Variants in CNTNAP5 observed in about 807,000 individuals in gnomAD.
CNTNAP5 encodes contactin-associated protein-like 5.
In CNTNAP5, 72 loss-of-function variants were observed where a neutral mutation model predicts 150.2. The ratio of observed to expected loss-of-function variants is 0.48; its 90% CI spans 0.40 to 0.58. The LOEUF is 0.58. CNTNAP5 is among the 20% of genes least tolerant of loss of function. The probability of loss-of-function intolerance (pLI) is 0.00; values close to 1 mark genes in which losing one functional copy is unlikely to be tolerated. For missense variants in CNTNAP5, 1,636 were observed against 1,626.2 expected (o/e 1.01, Z -0.10); for synonymous variants, 672 against 619.8 (o/e 1.08, Z -1.25).
At chr2:124,766,424 G>A (rs1000884957) in intron 16 of CNTNAP5, among the ~76,000 whole-genome samples, 3 of 152,010 alleles carry the variant, frequency 2.0e-5, no homozygotes, top group Admixed American at 6.6e-5. Flanking sequence ...AAAATGACTG[G>A]AGGAGATGAC....
At chr2:124,642,956 A>G (rs1678125238) in intron 12 of CNTNAP5, among the ~76,000 whole-genome samples, 2 of 152,198 alleles carry the variant, frequency 1.3e-5, no homozygotes, top group Non-Finnish European at 1.5e-5. Flanking sequence ...CATGGGGCAC[A>G]GTATTTGATG....
intron 23 of CNTNAP5, among the ~76,000 whole-genome samples, chr2:124,911,862 C>T (rs1258342172): frequency 6.6e-6 from 1 of 152,070 alleles, no homozygotes; most frequent in Admixed American, 6.6e-5. Flanking sequence ...AAAATGCAAA[C>T]AAAGCAAACC....
intron 17 of CNTNAP5, among the ~76,000 whole-genome samples, chr2:124,773,516 G>A (rs1424651446): frequency 1.3e-5 from 2 of 152,114 alleles, no homozygotes; most frequent in African/African-American, 4.8e-5. Context: ...TAAATCAGGG[G>A]GCTCTTTGAT....
intron 10 of CNTNAP5, among the ~76,000 whole-genome samples, chr2:124,548,395 G>A (rs975359407): frequency 6.6e-6 from 1 of 152,204 alleles, no homozygotes; most frequent in African/African-American, 2.4e-5. Context: ...CCCAGATGCA[G>A]ATCAGAACTG....
At chr2:124,843,810 G>C (rs925084678) in intron 19 of CNTNAP5, among the ~76,000 whole-genome samples, 3 of 151,958 alleles carry the variant, frequency 2.0e-5, no homozygotes, top group African/African-American at 7.2e-5. Context: ...ATTTTCTTTT[G>C]AGAATTGCCT....
Position 124,472,798 on chromosome 2 carries a change from CA to C in CNTNAP5, c.919-1933del, listed in dbSNP as rs944442655. Among the ~76,000 whole-genome samples, 5 of 150,740 alleles carry C rather than the reference CA, an allele frequency of 3.3e-5. No individual in the cohort carries two copies. The East Asian group carries it at 7.8e-4, about 24-fold the overall frequency. ...GCCTCAATTTAAAGATATTTTATTG[CA>C]AAAAAAATAAAGCTAACACAGAGAC... On this transcript the variant is annotated intron_variant, in intron 6 of 23. Transcript: ENST00000682447.
At chr2:124,531,122 G>A (rs1034229893) in intron 10 of CNTNAP5, among the ~76,000 whole-genome samples, 1 of 151,996 alleles carries the variant, frequency 6.6e-6, no homozygotes, top group Non-Finnish European at 1.5e-5. Context: ...TCATCTGAGG[G>A]TGATCGAAGA....
At position 124,703,114 on chromosome 2, in the gene CNTNAP5, CCTCCCTCCCTCCCTGT is replaced by C. The variant is rs1351162696; in HGVS notation, c.2078-44100_2078-44085del. On this transcript the variant is annotated intron_variant, in intron 13 of 23. Transcript: ENST00000682447. ...TTCAGCTTTCCTTCCTTCCTTCCTC[CCTCCCTCCCTCCCTGT>C]CTCCCTCCCTCCCTTCTTTCCTCCC... is the stretch of plus-strand genomic sequence containing the variant. Among the ~76,000 whole-genome samples the C allele has an allele frequency of 2.1e-5, 3 of 142,204 alleles. No individual in the cohort carries two copies. The East Asian group carries it at 6.0e-4, about 29-fold the overall frequency. The allele number at this position is 142,204 out of a possible 152,430, so 93.3% of individuals were successfully genotyped here.
At chr2:124,286,393 C>A (rs541427255) in intron 3 of CNTNAP5, among the ~76,000 whole-genome samples, 2 of 152,310 alleles carry the variant, frequency 1.3e-5, no homozygotes, top group South Asian at 2.1e-4. Context: ...TTTGGTGGCA[C>A]CTTAGAATTA....
chr2:124,074,365 T>C (rs1170125683), intron 1 of CNTNAP5, among the ~76,000 whole-genome samples: 2 of 152,130 alleles, frequency 1.3e-5, no homozygotes, highest in Non-Finnish European at 2.9e-5. Context: ...TTGTAACACA[T>C]AGAATAGATG....
chr2:124,365,546 A>C (rs2104720584), intron 3 of CNTNAP5, among the ~76,000 whole-genome samples: 1 of 152,312 alleles, frequency 6.6e-6, no homozygotes, highest in South Asian at 2.1e-4. Flanking sequence ...CATTGGAAAC[A>C]CTGAAACAGT....
chr2:124,803,234 G>A (rs992415289), intron 19 of CNTNAP5, among the ~76,000 whole-genome samples: 12 of 152,218 alleles, frequency 7.9e-5, no homozygotes, highest in East Asian at 1.9e-4. Flanking sequence ...ATTCTCTCTG[G>A]GAGAGAAGGT....
chr2:124,428,696 T>C (rs1195639853), intron 4 of CNTNAP5, among the ~76,000 whole-genome samples: 1 of 151,572 alleles, frequency 6.6e-6, no homozygotes, highest in African/African-American at 2.4e-5. Context: ...TGAGCTTTGG[T>C]TTTCCTACTT....
At position 124,518,194 on chromosome 2, in the gene CNTNAP5, G is replaced by A. The variant is rs17011586; in HGVS notation, c.1328-6109G>A. Among the ~76,000 whole-genome samples, 298 of 152,260 alleles carry A rather than the reference G, an allele frequency of 2.0e-3. 3 individuals carry two copies. Among genetic ancestry groups the A allele is most frequent in the African/African-American group, 5.0e-3 (209 of 41,556 alleles). ...TTAGAATATCTCTTAACTGTTCTGA[G>A]TCTCAGTTTCATCAAGTGTGAGCTA... On this transcript the variant is annotated intron_variant, in intron 8 of 23. Coordinates refer to ENST00000682447, the MANE Select transcript of CNTNAP5 (RefSeq NM_001367498.1).
chr2:124,741,894 T>C (rs1680504750), intron 13 of CNTNAP5, among the ~76,000 whole-genome samples: 1 of 152,304 alleles, frequency 6.6e-6, no homozygotes, highest in Non-Finnish European at 1.5e-5. Flanking sequence ...TTATAAGACA[T>C]TCTAGAATAT....
chr2:124,517,610 G>A (rs762720021), intron 8 of CNTNAP5, among the ~76,000 whole-genome samples: 1 of 149,656 alleles, frequency 6.7e-6, no homozygotes, highest in Non-Finnish European at 1.5e-5. Flanking sequence ...GTGATGGAGG[G>A]TTGTAGTGTT....
At chr2:124,790,673 T>A (rs1016757923) in intron 18 of CNTNAP5, among the ~76,000 whole-genome samples, 12 of 152,218 alleles carry the variant, frequency 7.9e-5, no homozygotes, top group Non-Finnish European at 1.5e-4. Flanking sequence ...TGAAAGTTCA[T>A]ATTTAGTTCA....
intron 3 of CNTNAP5, among the ~76,000 whole-genome samples, chr2:124,246,357 A>G (rs1191964347): frequency 1.3e-5 from 2 of 152,108 alleles, no homozygotes; most frequent in African/African-American, 2.4e-5. Flanking sequence ...ACAGCCACTT[A>G]GTGATGCACC....
rs879611191 is a variant in CNTNAP5, at chr2:124,707,123, AAAGAAGAAGAAGAAGAGG to A, written c.2078-40089_2078-40072del. Among the ~76,000 whole-genome samples the A allele has an allele frequency of 3.4e-3, 247 of 73,202 alleles. 15 individuals carry two copies. The highest frequency in any genetic ancestry group is 0.011 in the African/African-American group (203 of 18,248). The allele number at this position is 73,202 out of a possible 152,430, so 48.0% of individuals were successfully genotyped here. A position where few individuals can be genotyped will look rare whatever the true frequency, so the allele number is the denominator to read the frequency against. ...GAGGAAGAAGAAGAGGAAGAAGAAG[AAAGAAGAAGAAGAAGAGG>A]AAGAAGAAGAAGAAGAAGAAGAAGA... On this transcript the variant is annotated intron_variant, in intron 13 of 23. Transcript: ENST00000682447.
Sources: allele counts gnomAD v4.1 joint callset (sites outside exome capture counted in the v4.1 genomes callset), GRCh38; gene constraint gnomAD v4.1.1; transcripts MANE v1.5; gene names NCBI Gene and HGNC (gene_info 2026-07-23, HGNC 2026-07-21).